Variants in FAM149B1 observed in about 807,000 individuals in gnomAD.
FAM149B1 encodes family with sequence similarity 149 member B1.
A neutral mutation model predicts 75.3 loss-of-function variants in FAM149B1; 56 were observed. That is an observed-to-expected ratio of 0.74 (90% CI 0.60 to 0.93). The LOEUF is 0.93. Ranked by LOEUF, FAM149B1 falls within the 40% of genes least tolerant of loss-of-function variation. The pLI is 0.00. For missense variants in FAM149B1, 639 were observed against 708.4 expected (o/e 0.90, Z 1.11); for synonymous variants, 259 against 256.1 (o/e 1.01, Z -0.11).
At chr10:73,176,542 T>C (rs1843971781) in intron 2 of FAM149B1, among the ~76,000 whole-genome samples, 1 of 152,208 alleles carries the variant, frequency 6.6e-6, no homozygotes. Context: ...CTTCAGTCTC[T>C]CAGAACTTCT....
At chr10:73,224,334 G>C (rs2043484638) in intron 7 of FAM149B1, among the ~76,000 whole-genome samples, 1 of 152,110 alleles carries the variant, frequency 6.6e-6, no homozygotes, top group South Asian at 2.1e-4. Flanking sequence ...TTCACCAAAA[G>C]ATAGGTGCAA....
intron 10 of FAM149B1, 123 bp downstream of exon 10, chr10:73,233,286 C>A: frequency 2.8e-6 from 2 of 713,134 alleles, no homozygotes; most frequent in South Asian, 1.8e-5. Flanking sequence ...AGTCTTATGA[C>A]AGATTGCCCA....
chr10:73,174,671 G>T lies in FAM149B1; in HGVS notation c.48-16G>T. ...TTTTTTATACAGGAAATATAACTTT[G>T]TTTTGTCTTTCACAGGAAAGGAATA... On this transcript the variant is annotated splice_polypyrimidine_tract_variant and intron_variant, in intron 1 of 13. Coordinates refer to ENST00000242505, the MANE Select transcript of FAM149B1 (RefSeq NM_173348.2). 1 of 1,507,604 alleles carries T rather than the reference G, an allele frequency of 6.6e-7. No individual in the cohort carries two copies. The allele number at this position is 1,507,604 out of a possible 1,614,324, so 93.4% of individuals were successfully genotyped here.
At chr10:73,181,015 T>G (rs902475769) in intron 3 of FAM149B1, among the ~76,000 whole-genome samples, 3 of 151,366 alleles carry the variant, frequency 2.0e-5, no homozygotes, top group Non-Finnish European at 4.4e-5. Flanking sequence ...AGTTCTTTTT[T>G]TTTTTTTTTG....
At chr10:73,190,712 C>A (rs918710215) in intron 3 of FAM149B1, among the ~76,000 whole-genome samples, 1 of 150,134 alleles carries the variant, frequency 6.7e-6, no homozygotes, top group Admixed American at 6.6e-5. Context: ...GTAACCATCC[C>A]TCTGACTGCT....
At chr10:73,180,550 A>T (rs2042372490) in intron 3 of FAM149B1, among the ~76,000 whole-genome samples, 1 of 152,256 alleles carries the variant, frequency 6.6e-6, no homozygotes, top group African/African-American at 2.4e-5. Context: ...AACGTCATAC[A>T]GATGTTTCCC....
At chr10:73,204,261 A>T (rs528503040) in intron 5 of FAM149B1, among the ~76,000 whole-genome samples, 2 of 152,216 alleles carry the variant, frequency 1.3e-5, no homozygotes, top group African/African-American at 4.8e-5. Context: ...GGTAGCTGGG[A>T]TTACAGGCAC....
intron 7 of FAM149B1, among the ~76,000 whole-genome samples, chr10:73,223,028 G>A (rs1201626916): frequency 6.6e-6 from 1 of 152,142 alleles, no homozygotes; most frequent in Non-Finnish European, 1.5e-5. Flanking sequence ...ACTAAAGCAG[G>A]AGGATCCCTT....
rs1179109215 is a variant in FAM149B1 at position 73,174,747 on chromosome 10, T to A, written c.108T>A (p.Ile36=). 1.3e-6 allele frequency: 2 copies of A among 1,551,432 alleles called. No homozygotes were observed. Among genetic ancestry groups the A allele is most frequent in the Admixed American group, 3.9e-5 (2 of 51,002 alleles). ...CCCCTCCAGAGAAGCTGGAGGAAAT[T>A]TCCCCCACCAGTGACAGTCATGAGA... ...HHPPPEKLEE[I]SPTSDSHEKD... is the part of the protein sequence containing the mutation. The change falls in exon 2 of 14, where the codon ATT becomes ATA. Residue 36 remains isoleucine (I), a synonymous_variant. Transcript: ENST00000242505.
At chr10:73,228,781 A>G (rs2043616853) in intron 8 of FAM149B1, among the ~76,000 whole-genome samples, 1 of 152,046 alleles carries the variant, frequency 6.6e-6, no homozygotes, top group Non-Finnish European at 1.5e-5. Flanking sequence ...TTTTTGGTAG[A>G]GACAGAGTTT....
At chr10:73,168,457 C>T in intron 1 of FAM149B1, 71 bp downstream of exon 1, 2 of 1,513,562 alleles carry the variant, frequency 1.3e-6, no homozygotes, top group Non-Finnish European at 8.9e-7. Context: ...TTGACCAGTC[C>T]TTCGTTCCTT....
At chr10:73,231,844 A>T (rs1354394765) in intron 9 of FAM149B1, among the ~76,000 whole-genome samples, 1 of 152,094 alleles carries the variant, frequency 6.6e-6, no homozygotes, top group Non-Finnish European at 1.5e-5. Context: ...TCAAATCCAG[A>T]AGTTCATAGA....
chr10:73,239,454 C>A, intron 13 of FAM149B1, 70 bp downstream of exon 13: 1 of 1,123,486 alleles, frequency 8.9e-7, no homozygotes, highest in Non-Finnish European at 1.3e-6. Context: ...TGTCTTTTTT[C>A]CTACACCTAT....
At chr10:73,234,254 A>C (rs1029933113) in intron 10 of FAM149B1, 7 of 154,714 alleles carry the variant, frequency 4.5e-5, no homozygotes, top group Middle Eastern at 3.4e-3. Flanking sequence ...GTCTTGATGT[A>C]TAATTAATCT....
intron 1 of FAM149B1, among the ~76,000 whole-genome samples, chr10:73,174,444 A>G (rs1435052209): frequency 1.3e-5 from 2 of 152,192 alleles, no homozygotes; most frequent in Non-Finnish European, 2.9e-5. Context: ...AATATATCCA[A>G]AATATTATCA....
At chr10:73,172,328 T>C (rs996468237) in intron 1 of FAM149B1, among the ~76,000 whole-genome samples, 3 of 152,232 alleles carry the variant, frequency 2.0e-5, no homozygotes, top group Non-Finnish European at 2.9e-5. Context: ...TATCTTTATA[T>C]AGAACAATGG....
At chr10:73,197,108 A>G (rs1367407780) in intron 5 of FAM149B1, among the ~76,000 whole-genome samples, 2 of 152,028 alleles carry the variant, frequency 1.3e-5, no homozygotes, top group Admixed American at 6.6e-5. Context: ...GGCTCAAGCA[A>G]TCCTCCCGCC....
intron 3 of FAM149B1, among the ~76,000 whole-genome samples, chr10:73,182,186 T>TTTC (rs1346987771): frequency 6.6e-6 from 1 of 152,018 alleles, no homozygotes; most frequent in Non-Finnish European, 1.5e-5. Flanking sequence ...GGTCTTGTTT[T>TTTC]TTCATCCATT....
At position 73,234,910 on chromosome 10, in the gene FAM149B1, T is replaced by C. The variant is rs543277642; in HGVS notation, c.1446T>C (p.His482=). 1.5e-5 allele frequency: 23 copies of C among 1,552,072 alleles called. No individual in the cohort carries two copies. The African/African-American group carries it at 2.2e-4, about 15-fold the overall frequency. ...LPPIGTAEVE[H]VSTVGPQRQM... ...CTATTGGCACAGCTGAAGTGGAACA[T>C]GTGAGCACTGTGGGGCCACAAAGAC... The change falls in exon 11 of 14, where the codon CAT becomes CAC. Residue 482 remains histidine (H), a synonymous_variant. Coordinates refer to ENST00000242505, the MANE Select transcript of FAM149B1 (RefSeq NM_173348.2).
Sources: gnomAD v4.1 joint callset for allele counts (sites outside exome capture counted in the v4.1 genomes callset) on GRCh38, gnomAD v4.1.1 for gene constraint, MANE v1.5 for transcripts, NCBI Gene and HGNC (gene_info 2026-07-23, HGNC 2026-07-21) for gene names.